CADM3: variants seen among roughly 807,000 people sequenced by gnomAD.
The protein encoded by CADM3 is TSLC1-like 1.
A neutral mutation model predicts 44.9 loss-of-function variants in CADM3; 11 were observed. The observed-to-expected ratio is 0.25, with a 90% CI of 0.15 to 0.41. CADM3 has a LOEUF of 0.41. CADM3 is among the 10% of genes least tolerant of loss of function. The pLI, the probability that CADM3 is intolerant of heterozygous loss-of-function variation, is 1.00. For synonymous variants in CADM3, 207 were observed against 205.2 expected, an observed-to-expected ratio of 1.01 and a Z score of -0.08; for missense variants, 426 against 512.0, an observed-to-expected ratio of 0.83 and a Z score of 1.62.
Position 159,200,870 on chromosome 1 carries a change from A to C in CADM3, c.1145A>C (p.Asn382Thr). The change falls in exon 9 of 9, where the codon AAT becomes ACT. Residue 382 changes from asparagine (N) to threonine (T), a missense_variant. Asn to Thr is a moderately conservative substitution (Grantham distance 65). Transcript: ENST00000368125. ...CCAGACGCGGACACGGCCATCATCA[A>C]TGCAGAAGGCGGGCAGTCAGGAGGG... ...DAPDADTAIINAEGGQSGGDD... is the reference protein window; with the variant it reads ...DAPDADTAIITAEGGQSGGDD... The C allele has an allele frequency of 1.2e-6, 2 of 1,611,166 alleles. No individual in the cohort carries two copies. The highest frequency in any genetic ancestry group is 1.7e-6 in the Non-Finnish European group (2 of 1,178,534).
chr1:159,195,185 C>T (rs2814761), intron 5 of CADM3: 13,531 of 152,296 alleles, frequency 0.089, 1,736 homozygotes, highest in African/African-American at 0.28. Context: ...ACAATCCGGA[C>T]TCTAGCCGCA....
intron 1 of CADM3, among the ~76,000 whole-genome samples, chr1:159,174,093 T>A (rs776836244): frequency 6.6e-6 from 1 of 152,052 alleles, no homozygotes; most frequent in Non-Finnish European, 1.5e-5. Flanking sequence ...ACAGGAGGGG[T>A]CTGTTTCCAA....
chr1:159,171,821 G>C lies in CADM3; in HGVS notation c.56G>C (p.Trp19Ser), dbSNP rs1452208221. 8.0e-7 allele frequency: 1 copy of C among 1,246,664 alleles called. No individual in the cohort carries two copies. 77.2% of individuals were successfully genotyped at this position (1,246,664 alleles called of 1,614,324 possible). A position where few individuals can be genotyped will look rare whatever the true frequency, so the allele number is the denominator to read the frequency against. Residue 19 changes from tryptophan to serine, a missense_variant, in exon 1 of 9, where the codon TGG (tryptophan) becomes TCG (serine). Physicochemically the swap from Trp to Ser is radical, Grantham distance 177. Coordinates refer to ENST00000368125, the MANE Select transcript of CADM3 (RefSeq NM_001127173.3). ...LLLLLLFACCWAPGGANLSQD... is the reference protein window; with the variant it reads ...LLLLLLFACCSAPGGANLSQD... The stretch of plus-strand genomic sequence containing the variant: ...CTGCTCCTGCTGTTCGCCTGCTGCT[G>C]GGCGCCCGGCGGGGCCAACCTCTCC...
Position 159,191,939 on chromosome 1 carries a change from G to A in CADM3, c.92G>A (p.Ser31Asn), listed in dbSNP as rs267598112. The A allele has an allele frequency of 1.4e-5, 23 of 1,614,058 alleles. No individual in the cohort carries two copies. The highest frequency in any genetic ancestry group is 1.9e-5 in the Non-Finnish European group (23 of 1,180,010). Residue 31 changes from serine to asparagine, a missense_variant, in exon 2 of 9, where the codon AGC becomes AAC. Coordinates refer to ENST00000368125, the MANE Select transcript of CADM3 (RefSeq NM_001127173.3). Reference protein sequence around the residue: ...PGGANLSQDDSQPWTSDETVV... With the variant: ...PGGANLSQDDNQPWTSDETVV... The stretch of plus-strand genomic sequence containing the variant: ...TAACACTCTTCTACTCCTGCAGACA[G>A]CCAGCCCTGGACATCTGATGAAACA...
At chr1:159,196,789 A>G in intron 6 of CADM3, 102 bp from the exon 7 acceptor site, 1 of 1,206,606 alleles carries the variant, frequency 8.3e-7, no homozygotes, top group Non-Finnish European at 1.2e-6. Context: ...CTCCAGCCTC[A>G]TCAAACAGTC....
At chr1:159,186,449 G>A (rs542987299) in intron 1 of CADM3, among the ~76,000 whole-genome samples, 30 of 152,262 alleles carry the variant, frequency 2.0e-4, no homozygotes, top group African/African-American at 6.7e-4. Context: ...CTCCTTCCGA[G>A]CTCCTATTTC....
chr1:159,177,131 C>T (rs549030242), intron 1 of CADM3, among the ~76,000 whole-genome samples: 3 of 152,200 alleles, frequency 2.0e-5, no homozygotes, highest in Admixed American at 1.3e-4. Context: ...ATTTTACTCA[C>T]GGTAAGTTGT....
intron 8 of CADM3, 130 bp downstream of exon 8, chr1:159,200,006 A>C: frequency 8.1e-7 from 1 of 1,234,842 alleles, no homozygotes; most frequent in South Asian, 1.4e-5. Context: ...GTGTTTAGGG[A>C]ATTAAAAATG....
At chr1:159,179,178 T>G (rs972246645) in intron 1 of CADM3, among the ~76,000 whole-genome samples, 2 of 152,264 alleles carry the variant, frequency 1.3e-5, no homozygotes, top group Admixed American at 6.5e-5. Context: ...AATCTCAACA[T>G]ATTTTTCAGC....
In CADM3 at chr1:159,181,537, T is replaced by A. The variant is rs183697865; in HGVS notation, c.88+9684T>A. Among the ~76,000 whole-genome samples the A allele has an allele frequency of 6.6e-3, 1,010 of 152,164 alleles. 7 individuals carry two copies. Among genetic ancestry groups the A allele is most frequent in the Admixed American group, 0.01 (157 of 15,294 alleles). On this transcript the variant is annotated intron_variant, in intron 1 of 8. Coordinates refer to ENST00000368125, the MANE Select transcript of CADM3 (RefSeq NM_001127173.3). The stretch of plus-strand genomic sequence containing the variant: ...ACTGAGCCCTCCCCCGTGCTCAGTT[T>A]CACCTCACCCTCTCATCCTCTTCAG...
chr1:159,186,776 T>C (rs1231637426), intron 1 of CADM3, among the ~76,000 whole-genome samples: 3 of 152,074 alleles, frequency 2.0e-5, no homozygotes, highest in Non-Finnish European at 2.9e-5. Flanking sequence ...AGATTATAAG[T>C]GCATTTCAAA....
At chr1:159,199,684 C>T (rs1650067508) in intron 7 of CADM3, 67 bp from the exon 8 acceptor site, 1 of 1,609,914 alleles carries the variant, frequency 6.2e-7, no homozygotes, top group Admixed American at 1.7e-5. Context: ...TATTCATGGC[C>T]AAGTTGGAAT....
intron 3 of CADM3, 127 bp downstream of exon 3, chr1:159,192,857 TC>T: frequency 1.1e-6 from 1 of 909,178 alleles, no homozygotes. Flanking sequence ...CAGCCTGTGT[TC>T]CCCTGGCAAT....
At chr1:159,191,785 T>G in intron 1 of CADM3, 151 bp from the exon 2 acceptor site, 7 of 830,028 alleles carry the variant, frequency 8.4e-6, no homozygotes, top group Non-Finnish European at 1.3e-5. Context: ...CACCACCTCT[T>G]TTCCTTCCCC....
intron 1 of CADM3, among the ~76,000 whole-genome samples, chr1:159,178,113 G>A (rs1352377572): frequency 6.6e-6 from 1 of 152,108 alleles, no homozygotes; most frequent in East Asian, 1.9e-4. Context: ...GTAAATAGTT[G>A]TTTTACTGTA....
chr1:159,193,821 G>A (rs967366711), intron 4 of CADM3, 49 bp from the exon 5 acceptor site: 1 of 1,600,358 alleles, frequency 6.2e-7, no homozygotes. Flanking sequence ...GGTTTACTCT[G>A]TGTCTCTCTC....
rs1453649888 is a variant in CADM3 at position 159,200,996 on chromosome 1, T to C, written c.*74T>C. The stretch of plus-strand genomic sequence containing the variant: ...TGGGGCCGTCACCAACCCGGACTTG[T>C]ACAGAGCAACCGCAGGGCCGCCCCT... On this transcript the variant is annotated 3_prime_UTR_variant, in exon 9 of 9. Coordinates refer to ENST00000368125, the MANE Select transcript of CADM3 (RefSeq NM_001127173.3). The C allele has an allele frequency of 1.8e-6, 2 of 1,090,376 alleles. No individual in the cohort carries two copies. Among genetic ancestry groups the C allele is most frequent in the Non-Finnish European group, 2.6e-6 (2 of 771,366 alleles). The allele number at this position is 1,090,376 out of a possible 1,614,324, so 67.5% of individuals were successfully genotyped here.
intron 1 of CADM3, among the ~76,000 whole-genome samples, chr1:159,174,745 C>A (rs1453687709): frequency 6.6e-6 from 1 of 152,148 alleles, no homozygotes; most frequent in Non-Finnish European, 1.5e-5. Context: ...TCTCACATTT[C>A]CCCACTAGTT....
intron 1 of CADM3, among the ~76,000 whole-genome samples, chr1:159,182,221 G>A (rs1649263299): frequency 6.6e-6 from 1 of 152,162 alleles, no homozygotes; most frequent in South Asian, 2.1e-4. Context: ...GTAAGAAGAT[G>A]CCATCCGCCC....
Sources: gnomAD v4.1 joint callset for allele counts (sites outside exome capture counted in the v4.1 genomes callset) on GRCh38, gnomAD v4.1.1 for gene constraint, MANE v1.5 for transcripts, NCBI Gene and HGNC (gene_info 2026-07-23, HGNC 2026-07-21) for gene names.